CORIN: variants seen among roughly 807,000 people sequenced by gnomAD.
CORIN encodes corin, serine peptidase, also known as atrial natriuretic peptide-converting enzyme.
A neutral mutation model predicts 125.3 loss-of-function variants in CORIN; 117 were observed. That is an observed-to-expected ratio of 0.93 (90% CI 0.80 to 1.09). The LOEUF (loss-of-function observed/expected upper bound fraction) is 1.09, where lower values mean the gene tolerates loss of function less well. Ranked by LOEUF, CORIN falls within the 50% of genes least tolerant of loss-of-function variation. CORIN has a pLI of 0.00. For synonymous variants in CORIN, 450 were observed against 466.4 expected, an observed-to-expected ratio of 0.96 and a Z score of 0.45; for missense variants, 1,253 against 1,306.7, an observed-to-expected ratio of 0.96 and a Z score of 0.63.
At chr4:47,748,559 T>C (rs1728764030) in intron 4 of CORIN, among the ~76,000 whole-genome samples, 1 of 152,222 alleles carries the variant, frequency 6.6e-6, no homozygotes, top group Non-Finnish European at 1.5e-5. Flanking sequence ...GAAGTTTTTA[T>C]GGTGTTCTCA....
At chr4:47,681,937 A>T (rs533600831) in intron 7 of CORIN, 48 of 152,352 alleles carry the variant, frequency 3.2e-4, no homozygotes, top group African/African-American at 1.1e-3. Context: ...GTACATCTAC[A>T]CAATGGAATA....
chr4:47,775,248 T>C (rs1432217021), intron 3 of CORIN, among the ~76,000 whole-genome samples: 2 of 152,072 alleles, frequency 1.3e-5, no homozygotes, highest in Non-Finnish European at 2.9e-5. Context: ...CTTTAAGTTC[T>C]AGGGTACATG....
chr4:47,622,453 T>G (rs1411340834), intron 19 of CORIN, among the ~76,000 whole-genome samples: 4 of 150,000 alleles, frequency 2.7e-5, no homozygotes, highest in Non-Finnish European at 5.9e-5. Context: ...TGAACTAGTT[T>G]ACAGTCCCAC....
At chr4:47,779,680 C>A (rs1426587612) in intron 3 of CORIN, among the ~76,000 whole-genome samples, 4 of 152,108 alleles carry the variant, frequency 2.6e-5, no homozygotes, top group Non-Finnish European at 5.9e-5. Flanking sequence ...AGGTGATCCA[C>A]CTGCCTCGGC....
At chr4:47,710,534 G>A (rs913187154) in intron 5 of CORIN, among the ~76,000 whole-genome samples, 2 of 152,180 alleles carry the variant, frequency 1.3e-5, no homozygotes, top group African/African-American at 4.8e-5. Flanking sequence ...AGATGCCACA[G>A]AGACGGACTT....
intron 16 of CORIN, among the ~76,000 whole-genome samples, chr4:47,630,861 G>A (rs1305183656): frequency 6.6e-6 from 1 of 152,080 alleles, no homozygotes; most frequent in Non-Finnish European, 1.5e-5. Flanking sequence ...GTCTCAGATG[G>A]GACCCAAAAT....
chr4:47,636,860 G>T (rs930465233), intron 16 of CORIN, among the ~76,000 whole-genome samples: 4 of 152,178 alleles, frequency 2.6e-5, no homozygotes, highest in Non-Finnish European at 5.9e-5. Context: ...GTGGGGTGCT[G>T]CTGTAGATAC....
chr4:47,708,821 G>A (rs1430669803), intron 5 of CORIN, among the ~76,000 whole-genome samples: 4 of 152,198 alleles, frequency 2.6e-5, no homozygotes, highest in Admixed American at 6.5e-5. Context: ...CAAGGTGGCA[G>A]CCATCTTGGC....
intron 6 of CORIN, among the ~76,000 whole-genome samples, chr4:47,691,256 C>T (rs1725755075): frequency 6.6e-6 from 1 of 152,134 alleles, no homozygotes; most frequent in Non-Finnish European, 1.5e-5. Context: ...TAACTTGGGC[C>T]ACAATGGGAG....
At chr4:47,726,906 A>T (rs1206367644) in intron 5 of CORIN, among the ~76,000 whole-genome samples, 1 of 152,010 alleles carries the variant, frequency 6.6e-6, no homozygotes, top group African/African-American at 2.4e-5. Flanking sequence ...TTGTATTAGA[A>T]AAAATTAATT....
At position 47,643,238 on chromosome 4, in the gene CORIN, T is replaced by G; in HGVS notation, c.1976A>C (p.Glu659Ala). Residue 659 changes from glutamate (E) to alanine (A), a missense_variant, in exon 15 of 22, where the codon GAG becomes GCG. By Grantham distance (107) the Glu-to-Ala change is moderately radical. Transcript: ENST00000273857. Reference protein sequence around the residue: ...EKNCSFCQDDELECANHACVS... With the variant: ...EKNCSFCQDDALECANHACVS... Reference sequence around the variant, plus strand: ...ACACGCATGGTTTGCACATTCCAGCTCATCATCTTGGCAAAATGCTGGCAT... The same window carrying G: ...ACACGCATGGTTTGCACATTCCAGCGCATCATCTTGGCAAAATGCTGGCAT... 1 of 1,597,626 alleles carries G rather than the reference T, an allele frequency of 6.3e-7. No individual in the cohort carries two copies. The highest frequency in any genetic ancestry group is 8.5e-7 in the Non-Finnish European group (1 of 1,171,830).
At chr4:47,599,820 C>T (rs1486113521) in intron 21 of CORIN, among the ~76,000 whole-genome samples, 1 of 152,152 alleles carries the variant, frequency 6.6e-6, no homozygotes, top group Non-Finnish European at 1.5e-5. Context: ...TAATGGCTGA[C>T]AATGTCCTTT....
At chr4:47,799,258 T>C (rs533407257) in intron 2 of CORIN, among the ~76,000 whole-genome samples, 1 of 152,178 alleles carries the variant, frequency 6.6e-6, no homozygotes, top group East Asian at 1.9e-4. Flanking sequence ...TGTGTGTCTT[T>C]TTGGTGGAAT....
At chr4:47,636,622 C>G (rs1279171654) in intron 16 of CORIN, among the ~76,000 whole-genome samples, 1 of 152,132 alleles carries the variant, frequency 6.6e-6, no homozygotes. Flanking sequence ...TTTAGGAGAT[C>G]TGACAGTTTT....
chr4:47,716,111 T>C (rs1473351139), intron 5 of CORIN, among the ~76,000 whole-genome samples: 1 of 152,196 alleles, frequency 6.6e-6, no homozygotes, highest in Non-Finnish European at 1.5e-5. Flanking sequence ...TAGTAGTAAA[T>C]TGGTTGTTTA....
chr4:47,595,751 C>A lies in CORIN; in HGVS notation c.3099G>T (p.Gln1033His), dbSNP rs1721225071. 1 of 1,609,928 alleles carries A rather than the reference C, an allele frequency of 6.2e-7. No individual in the cohort carries two copies. The change falls in exon 22 of 22, where the codon CAG becomes CAT. Residue 1033 changes from glutamine (Q) to histidine (H), a missense_variant. Coordinates refer to ENST00000273857, the MANE Select transcript of CORIN (RefSeq NM_006587.4). ...VSYFVEWIKRQIYIQTFLLN is the reference protein window; with the variant it reads ...VSYFVEWIKRHIYIQTFLLN ...TTAGGAGAAAGGTCTGGATGTAAAT[C>A]TGTCTTTTAATCCATTCGACGAAAT... is the stretch of plus-strand genomic sequence containing the variant.
chr4:47,812,599 G>A (rs576469554), intron 1 of CORIN, among the ~76,000 whole-genome samples: 1 of 152,280 alleles, frequency 6.6e-6, no homozygotes, highest in South Asian at 2.1e-4. Context: ...ACCACAACAT[G>A]CATCATAGAC....
intron 11 of CORIN, among the ~76,000 whole-genome samples, chr4:47,662,616 G>A (rs1284233625): frequency 6.6e-6 from 1 of 151,448 alleles, no homozygotes; most frequent in Non-Finnish European, 1.5e-5. Context: ...TAAGAAATTA[G>A]TTACACAGTT....
At chr4:47,757,003 C>T (rs535619946) in intron 4 of CORIN, among the ~76,000 whole-genome samples, 14 of 152,286 alleles carry the variant, frequency 9.2e-5, no homozygotes, top group African/African-American at 2.6e-4. Context: ...AACATTTACA[C>T]ATACCATTAT....
Sources: allele counts gnomAD v4.1 joint callset (sites outside exome capture counted in the v4.1 genomes callset), GRCh38; gene constraint gnomAD v4.1.1; transcripts MANE v1.5; gene names NCBI Gene and HGNC (gene_info 2026-07-23, HGNC 2026-07-21).